Variants in HMCN1 observed in about 807,000 individuals in gnomAD.
HMCN1 encodes hemicentin 1.
Under a neutral mutation model 625.9 loss-of-function variants are expected in HMCN1, and 321 were observed. The observed-to-expected ratio is 0.51, with a 90% CI of 0.47 to 0.56. HMCN1 has a LOEUF of 0.56. Among genes scored for constraint, HMCN1 ranks in the 20% least tolerant of loss-of-function variants. The pLI is 0.00. For missense variants in HMCN1, 6,588 were observed against 6,887.3 expected (o/e 0.96, Z 1.54); for synonymous variants, 2,425 against 2,417.6 (o/e 1.00, Z -0.09).
At chr1:186,035,957 A>G (rs916688686) in intron 36 of HMCN1, among the ~76,000 whole-genome samples, 1 of 152,196 alleles carries the variant, frequency 6.6e-6, no homozygotes, top group African/African-American at 2.4e-5. Flanking sequence ...AGGAGGACAT[A>G]TTAAAATATG....
intron 85 of HMCN1, among the ~76,000 whole-genome samples, chr1:186,131,930 ATTTG>A (rs1277205931): frequency 6.6e-6 from 1 of 152,134 alleles, no homozygotes; most frequent in East Asian, 1.9e-4. Context: ...AGGACTCAGT[ATTTG>A]TTAATTTGTC....
chr1:185,887,388 T>C (rs1664731532), intron 4 of HMCN1, among the ~76,000 whole-genome samples: 1 of 151,764 alleles, frequency 6.6e-6, no homozygotes, highest in Non-Finnish European at 1.5e-5. Context: ...ACATGTGCCA[T>C]GCTGGTGTGC....
At chr1:185,830,043 T>G (rs1295949413) in intron 1 of HMCN1, among the ~76,000 whole-genome samples, 1 of 152,248 alleles carries the variant, frequency 6.6e-6, no homozygotes, top group Admixed American at 6.5e-5. Context: ...CATAAATGTC[T>G]TCTTTGGAGA....
intron 18 of HMCN1, 58 bp from the exon 19 acceptor site, chr1:185,984,111 T>C (rs1441724247): frequency 1.4e-6 from 2 of 1,444,404 alleles, no homozygotes; most frequent in African/African-American, 2.8e-5. Flanking sequence ...CAGGTTCATT[T>C]TTGACTCTCA....
intron 1 of HMCN1, among the ~76,000 whole-genome samples, chr1:185,785,338 C>T (rs1657488252): frequency 6.6e-6 from 1 of 152,180 alleles, no homozygotes; most frequent in African/African-American, 2.4e-5. Context: ...GATAACTGTA[C>T]ACTTTCTAGA....
At chr1:185,796,628 G>C (rs1344786436) in intron 1 of HMCN1, among the ~76,000 whole-genome samples, 1 of 122,890 alleles carries the variant, frequency 8.1e-6, no homozygotes, top group Non-Finnish European at 1.5e-5. Flanking sequence ...GTTTGTGTCT[G>C]TGTGTGTGTG....
At chr1:185,745,278 C>T (rs1438241492) in intron 1 of HMCN1, among the ~76,000 whole-genome samples, 3 of 151,800 alleles carry the variant, frequency 2.0e-5, no homozygotes, top group African/African-American at 7.3e-5. Flanking sequence ...CAGTGTACAG[C>T]CAAGTTCTAA....
intron 53 of HMCN1, among the ~76,000 whole-genome samples, 163 bp from the exon 54 acceptor site, chr1:186,076,265 T>A (rs1368199950): frequency 6.6e-6 from 1 of 152,170 alleles, no homozygotes; most frequent in African/African-American, 2.4e-5. Context: ...TTTCGTGTAC[T>A]ACTTTTTTGG....
intron 102 of HMCN1, among the ~76,000 whole-genome samples, chr1:186,173,255 G>A (rs1025694357): frequency 6.6e-6 from 1 of 151,976 alleles, no homozygotes; most frequent in African/African-American, 2.4e-5. Flanking sequence ...ATAGATGAAG[G>A]AATATTGGCC....
chr1:186,182,279 C>T lies in HMCN1; in HGVS notation c.16406C>T (p.Thr5469Ile). The T allele has an allele frequency of 6.2e-7, 1 of 1,613,384 alleles. No homozygotes were observed. Among genetic ancestry groups the T allele is most frequent in the Non-Finnish European group, 8.5e-7 (1 of 1,179,444 alleles). ...TATCAACTCACACACAATGGAAAGACATGCCAAGGTGAGAAAACATTGGGA... is the reference window on the plus strand; with the variant it reads ...TATCAACTCACACACAATGGAAAGATATGCCAAGGTGAGAAAACATTGGGA... Reference protein sequence around the residue: ...PGYQLTHNGKTCQDIDECLEQ... With the variant: ...PGYQLTHNGKICQDIDECLEQ... The change falls in exon 105 of 107, where the codon ACA becomes ATA. Residue 5469 changes from threonine (T) to isoleucine (I), a missense_variant. Around this residue, in one of 3 missense-constraint regions of HMCN1, gnomAD observed 1,954 missense variants for 2,013.1 expected, o/e 0.97. Coordinates refer to ENST00000271588, the MANE Select transcript of HMCN1 (RefSeq NM_031935.3).
At chr1:185,792,169 G>C (rs1473614666) in intron 1 of HMCN1, among the ~76,000 whole-genome samples, 2 of 152,192 alleles carry the variant, frequency 1.3e-5, no homozygotes, top group African/African-American at 4.8e-5. Context: ...GTGGTGATAA[G>C]ATTGGTTATC....
intron 86 of HMCN1, among the ~76,000 whole-genome samples, chr1:186,133,161 T>C (rs185057452): frequency 3.3e-5 from 5 of 152,194 alleles, no homozygotes; most frequent in African/African-American, 9.6e-5. Flanking sequence ...ATCCCATTAC[T>C]GGGTATATAC....
intron 27 of HMCN1, 36 bp from the exon 28 acceptor site, chr1:186,001,558 G>T (rs754459370): frequency 1.9e-6 from 3 of 1,611,176 alleles, no homozygotes; most frequent in African/African-American, 1.3e-5. Flanking sequence ...TTTTTATTAG[G>T]ATTGGAAATA....
In HMCN1 at chr1:186,144,358, C is replaced by T; in HGVS notation, c.14095+15C>T. ...AAATTGTCCAAGTAAGAGAAATACACTGTTTATACCTTAATAAATTAACAT... is the reference window on the plus strand; with the variant it reads ...AAATTGTCCAAGTAAGAGAAATACATTGTTTATACCTTAATAAATTAACAT... On this transcript the variant is annotated intron_variant, in intron 90 of 106. Coordinates refer to ENST00000271588, the MANE Select transcript of HMCN1 (RefSeq NM_031935.3). 1 of 1,611,282 alleles carries T rather than the reference C, an allele frequency of 6.2e-7. No individual in the cohort carries two copies. Among genetic ancestry groups the T allele is most frequent in the South Asian group, 1.1e-5 (1 of 90,982 alleles).
At chr1:185,867,179 A>G (rs1663309327) in intron 4 of HMCN1, among the ~76,000 whole-genome samples, 1 of 152,234 alleles carries the variant, frequency 6.6e-6, no homozygotes, top group Non-Finnish European at 1.5e-5. Context: ...TTAAAAATGT[A>G]TTCTTGGAAG....
rs41317483 is a variant in HMCN1, at chr1:186,103,595, G to A, written c.10697G>A (p.Gly3566Asp). ...PAPKMTWMKDGRPLPQTDQVQ... is the reference protein window; with the variant it reads ...PAPKMTWMKDDRPLPQTDQVQ... Reference sequence around the variant, plus strand: ...CCTAAAATGACCTGGATGAAAGATGGCCGGCCCCTTCCACAGACGGATCAA... The same window carrying A: ...CCTAAAATGACCTGGATGAAAGATGACCGGCCCCTTCCACAGACGGATCAA... Residue 3566 changes from glycine (G) to aspartate (D), a missense_variant, in exon 69 of 107, where the codon GGC becomes GAC. Gly to Asp is a moderately conservative substitution (Grantham distance 94, BLOSUM62 -1). Transcript: ENST00000271588. 3.6e-3 allele frequency: 5,824 copies of A among 1,613,876 alleles called. 15 individuals are homozygous for A. Among genetic ancestry groups the A allele is most frequent in the Non-Finnish European group, 4.5e-3 (5,270 of 1,179,830 alleles).
Position 186,178,578 on chromosome 1 carries a change from G to T in HMCN1, c.16106G>T (p.Ser5369Ile). 6.2e-7 allele frequency: 1 copy of T among 1,614,110 alleles called. No homozygotes were observed. Among genetic ancestry groups the T allele is most frequent in the Non-Finnish European group, 8.5e-7 (1 of 1,180,002 alleles). The change falls in exon 104 of 107, where the codon AGC (serine) becomes ATC (isoleucine). Residue 5369 changes from serine to isoleucine, a missense_variant. By Grantham distance (142) the Ser-to-Ile change is moderately radical (BLOSUM62 -2). Coordinates refer to ENST00000271588, the MANE Select transcript of HMCN1 (RefSeq NM_031935.3). ...RLPNYGTQYSSYNLARFSPVR... is the reference protein window; with the variant it reads ...RLPNYGTQYSIYNLARFSPVR... ...CCAAATTATGGCACTCAATACAGTA[G>T]CTATAACCTTGCACGGTTCTCCCCT... is the stretch of plus-strand genomic sequence containing the variant.
intron 4 of HMCN1, among the ~76,000 whole-genome samples, chr1:185,875,697 CCTTTA>C (rs764392103): frequency 9.9e-5 from 15 of 152,154 alleles, no homozygotes; most frequent in South Asian, 4.1e-4. Flanking sequence ...TTCTCTGCCT[CCTTTA>C]CTTTACTTTA....
chr1:186,182,403 C>G, intron 105 of HMCN1, 116 bp downstream of exon 105: 1 of 1,192,494 alleles, frequency 8.4e-7, no homozygotes. Flanking sequence ...TACCCATTCC[C>G]GTGGGTCAGA....
Sources: gnomAD v4.1 joint callset for allele counts (sites outside exome capture counted in the v4.1 genomes callset) on GRCh38, gnomAD v4.1.1 for gene constraint, gnomAD v4.1.1 regional missense constraint, MANE v1.5 for transcripts, NCBI Gene and HGNC (gene_info 2026-07-23, HGNC 2026-07-21) for gene names.